The following SPON1 variants were observed in gnomAD, a reference collection of about 807,000 sequenced individuals.
SPON1 encodes spondin-1.
SPON1 carries 52 observed loss-of-function variants against 111.7 expected under a neutral mutation model. The ratio of observed to expected loss-of-function variants is 0.47; its 90% confidence interval spans 0.37 to 0.59. The LOEUF is 0.59. SPON1 is among the 20% of genes least tolerant of loss of function. The pLI is 0.00. For synonymous variants in SPON1, 410 were observed against 395.8 expected (o/e 1.04, Z -0.43); for missense variants, 957 against 1,068.5 (o/e 0.90, Z 1.46).
At chr11:14,139,950 A>G (rs1847634384) in intron 6 of SPON1, among the ~76,000 whole-genome samples, 1 of 152,202 alleles carries the variant, frequency 6.6e-6, no homozygotes, top group African/African-American at 2.4e-5. Flanking sequence ...CTAAAAAAAG[A>G]CTAGTGTGAC....
intron 2 of SPON1, among the ~76,000 whole-genome samples, chr11:14,016,194 C>T (rs2133801273): frequency 6.6e-6 from 1 of 152,348 alleles, no homozygotes; most frequent in African/African-American, 2.4e-5. Flanking sequence ...TCTTTCCTTC[C>T]TTTCTCAGTG....
chr11:14,142,525 G>A (rs1847668440), intron 6 of SPON1, among the ~76,000 whole-genome samples: 1 of 152,168 alleles, frequency 6.6e-6, no homozygotes, highest in Non-Finnish European at 1.5e-5. Context: ...AATATAGAAA[G>A]AGCTACAGTA....
At chr11:14,158,528 A>C (rs1451044894) in intron 6 of SPON1, among the ~76,000 whole-genome samples, 5 of 152,098 alleles carry the variant, frequency 3.3e-5, no homozygotes, top group Non-Finnish European at 7.4e-5. Flanking sequence ...CCCCAGTCTT[A>C]TGAGACTGAT....
At position 14,244,666 on chromosome 11, in the gene SPON1, C is replaced by T. The variant is rs530416863; in HGVS notation, c.890+1270C>T. Among the ~76,000 whole-genome samples the T allele has an allele frequency of 4.4e-4, 67 of 151,364 alleles. 1 individual carries two copies. The highest frequency in any genetic ancestry group is 1.4e-3 in the African/African-American group (58 of 41,208). ...AGGAGGCTGAAGTAGGAGCATCGCC[C>T]GGGTCCAGGGAGTCAAGCAGCAGTG... is the stretch of plus-strand genomic sequence containing the variant. On this transcript the variant is annotated intron_variant, in intron 7 of 15. Coordinates refer to ENST00000576479, the MANE Select transcript of SPON1 (RefSeq NM_006108.4).
chr11:14,100,709 A>G (rs1425192951), intron 5 of SPON1, among the ~76,000 whole-genome samples: 1 of 152,162 alleles, frequency 6.6e-6, no homozygotes, highest in Non-Finnish European at 1.5e-5. Flanking sequence ...CATAAACATT[A>G]CTAAAGTGTT....
intron 6 of SPON1, among the ~76,000 whole-genome samples, chr11:14,153,019 T>C (rs1847805838): frequency 6.6e-6 from 1 of 152,162 alleles, no homozygotes; most frequent in South Asian, 2.1e-4. Flanking sequence ...GCACTCCAAA[T>C]TAGGGCCCTA....
chr11:14,250,407 G>GTTTT (rs1205560353), intron 7 of SPON1, among the ~76,000 whole-genome samples: 1 of 144,532 alleles, frequency 6.9e-6, no homozygotes, highest in Non-Finnish European at 1.5e-5. Flanking sequence ...TGTGAATCCA[G>GTTTT]TTTTTTTTTT....
intron 2 of SPON1, among the ~76,000 whole-genome samples, chr11:13,984,388 C>T (rs116796747): frequency 1.3e-3 from 198 of 152,194 alleles, no homozygotes; most frequent in African/African-American, 4.6e-3. Context: ...GTTTATTTCA[C>T]TTACTTGACA....
At chr11:14,138,910 C>T (rs1847621172) in intron 6 of SPON1, among the ~76,000 whole-genome samples, 1 of 152,086 alleles carries the variant, frequency 6.6e-6, no homozygotes, top group South Asian at 2.1e-4. Context: ...GCCCTCATCA[C>T]CACCTCCCTC....
At chr11:14,115,501 C>T (rs1349135784) in intron 5 of SPON1, among the ~76,000 whole-genome samples, 5 of 152,150 alleles carry the variant, frequency 3.3e-5, no homozygotes, top group African/African-American at 1.2e-4. Context: ...AGGAATTTTA[C>T]AATATGTACT....
chr11:14,099,160 T>C (rs976695080), intron 5 of SPON1, among the ~76,000 whole-genome samples: 10 of 152,216 alleles, frequency 6.6e-5, no homozygotes, highest in African/African-American at 2.4e-4. Flanking sequence ...AATTTTACTT[T>C]TTCCTTTAAA....
chr11:14,092,400 A>G (rs782736905), intron 5 of SPON1, among the ~76,000 whole-genome samples: 2 of 152,174 alleles, frequency 1.3e-5, no homozygotes, highest in Non-Finnish European at 2.9e-5. Context: ...AACCTCTGCA[A>G]TAGGTAAGAT....
At position 14,259,533 on chromosome 11, in the gene SPON1, G is replaced by A. The variant is rs1554941682; in HGVS notation, c.1664-1G>A. 6.4e-7 allele frequency: 1 copy of A among 1,554,856 alleles called. No homozygotes were observed. Among genetic ancestry groups the A allele is most frequent in the Non-Finnish European group, 8.7e-7 (1 of 1,149,462 alleles). ...GACTCCAATGCCGCTGGCCTCCCCAGCTCCCAGCAGCTGCCTGATGACCGA... is the reference window on the plus strand; with the variant it reads ...GACTCCAATGCCGCTGGCCTCCCCAACTCCCAGCAGCTGCCTGATGACCGA... On this transcript the variant is annotated splice_acceptor_variant, in intron 12 of 15. Transcript: ENST00000576479. LOFTEE classifies it high-confidence loss of function. The surrounding 1 kb of genome is among the most constrained non-coding windows in gnomAD (Gnocchi z 5.0).
intron 2 of SPON1, among the ~76,000 whole-genome samples, chr11:14,040,100 T>A (rs1440479624): frequency 6.6e-6 from 1 of 152,192 alleles, no homozygotes; most frequent in Non-Finnish European, 1.5e-5. Flanking sequence ...TCTGCAGTAC[T>A]TAGTGAAATT....
intron 3 of SPON1, among the ~76,000 whole-genome samples, chr11:14,074,869 GAT>G (rs1440374240): frequency 2.0e-5 from 3 of 152,170 alleles, no homozygotes; most frequent in African/African-American, 7.2e-5. Flanking sequence ...TTTCAGGAAA[GAT>G]ATAGAATGAC....
chr11:14,182,711 A>G (rs967654409), intron 6 of SPON1, among the ~76,000 whole-genome samples: 45 of 152,236 alleles, frequency 3.0e-4, no homozygotes, highest in Non-Finnish European at 1.3e-4. Flanking sequence ...TTGACGGTCC[A>G]TAAAAGGCTC....
intron 6 of SPON1, among the ~76,000 whole-genome samples, chr11:14,170,851 A>G (rs1453183963): frequency 1.3e-5 from 2 of 152,136 alleles, no homozygotes; most frequent in East Asian, 1.9e-4. Flanking sequence ...AGCCCACTTG[A>G]TCATGGTGGA....
In SPON1 at chr11:14,079,774, T is replaced by C. The variant is rs555023256; in HGVS notation, c.554-125T>C. 9.0e-5 allele frequency: 90 copies of C among 997,760 alleles called. No individual in the cohort carries two copies. The East Asian group carries it at 2.0e-3, about 22-fold the overall frequency. The allele number at this position is 997,760 out of a possible 1,614,324, so 61.8% of individuals were successfully genotyped here. ...CAAGTACTGATCTGGCTCTAAGTCT[T>C]ATTAACTAATGAAAGCTGCATCTTC... is the stretch of plus-strand genomic sequence containing the variant. On this transcript the variant is annotated intron_variant, in intron 4 of 15. Coordinates refer to ENST00000576479, the MANE Select transcript of SPON1 (RefSeq NM_006108.4).
intron 7 of SPON1, among the ~76,000 whole-genome samples, chr11:14,253,687 G>C (rs1849076483): frequency 1.3e-5 from 2 of 152,312 alleles, no homozygotes; most frequent in Admixed American, 1.3e-4. Flanking sequence ...GCAGCCTTGG[G>C]GTGCAGAGTC....
Sources: allele counts gnomAD v4.1 joint callset (sites outside exome capture counted in the v4.1 genomes callset), GRCh38; gene constraint gnomAD v4.1.1; non-coding constraint Gnocchi (gnomAD v3.1); transcripts MANE v1.5; gene names NCBI Gene and HGNC (gene_info 2026-07-23, HGNC 2026-07-21).